Variants in TLN2 observed in about 807,000 individuals in gnomAD.
TLN2 encodes the protein talin-2.
In TLN2, 118 loss-of-function variants were observed where a neutral mutation model predicts 294.7. The observed-to-expected ratio is 0.40, with a 90% CI of 0.34 to 0.47. The LOEUF (loss-of-function observed/expected upper bound fraction) is 0.47, where lower values mean the gene tolerates loss of function less well. TLN2 is among the 20% of genes least tolerant of loss of function. The pLI, the probability that TLN2 is intolerant of heterozygous loss-of-function variation, is 0.84. For synonymous variants in TLN2, 1,431 were observed against 1,304.5 expected (o/e 1.10, Z -2.09); for missense variants, 3,083 against 3,282.2 (o/e 0.94, Z 1.48).
chr15:62,785,255 C>T (rs1236715151), intron 45 of TLN2, among the ~76,000 whole-genome samples: 1 of 152,062 alleles, frequency 6.6e-6, no homozygotes. Flanking sequence ...TTTAAATAGA[C>T]TCCCTGTTTT....
rs1339092923 is a variant in TLN2 at position 62,835,641 on chromosome 15, G to T, written c.7129-96G>T. On this transcript the variant is annotated intron_variant, in intron 55 of 58. Coordinates refer to ENST00000636159, the MANE Select transcript of TLN2 (RefSeq NM_015059.3). ...CTGTTGGCAGGAGGCACCAAGCGGG[G>T]TACAAGTCTGGTTCCCGAGCAAGGT... 3.6e-6 allele frequency: 5 copies of T among 1,393,628 alleles called. No homozygotes were observed. In the African/African-American group the frequency reaches 7.1e-5, roughly 20 times the overall value. The allele number at this position is 1,393,628 out of a possible 1,614,324, so 86.3% of individuals were successfully genotyped here.
At chr15:62,556,561 G>A (rs895023566) in intron 1 of TLN2, among the ~76,000 whole-genome samples, 10 of 151,884 alleles carry the variant, frequency 6.6e-5, no homozygotes, top group African/African-American at 1.9e-4. Context: ...AGCCTCCTAC[G>A]GTGCTGGAAT....
chr15:62,621,125 C>T (rs929347542), intron 3 of TLN2, among the ~76,000 whole-genome samples: 1 of 152,152 alleles, frequency 6.6e-6, no homozygotes, highest in Admixed American at 6.5e-5. Context: ...AGGTGTGAGC[C>T]ACTGTGCCCG....
Position 62,686,815 on chromosome 15 carries a change from C to T in TLN2, c.1113+19C>T. 6.2e-7 allele frequency: 1 copy of T among 1,612,020 alleles called. No individual in the cohort carries two copies. The highest frequency in any genetic ancestry group is 8.5e-7 in the Non-Finnish European group (1 of 1,179,642). On this transcript the variant is annotated intron_variant, in intron 12 of 58. Transcript: ENST00000636159. ...CACACTGGTAGGGACTGGCAGAGGG[C>T]AAGGAGAGCACTAGCGTGGCCTTGA...
At chr15:62,803,368 A>G (rs1409454093) in intron 50 of TLN2, among the ~76,000 whole-genome samples, 2 of 152,178 alleles carry the variant, frequency 1.3e-5, no homozygotes, top group Non-Finnish European at 2.9e-5. Context: ...AGCTTTCTCT[A>G]GGTTTGGGAA....
At chr15:62,739,615 A>T (rs2061209621) in intron 31 of TLN2, 70 bp downstream of exon 31, 1 of 1,545,880 alleles carries the variant, frequency 6.5e-7, no homozygotes, top group African/African-American at 1.4e-5. Context: ...CATCCTTGAG[A>T]CTGACTGAAC....
In TLN2 at chr15:62,727,083, G is replaced by C. The variant is rs376468747; in HGVS notation, c.3256-4G>C. ...GTTCTTTCCCTCCTTGAATATTCTT[G>C]TAGCTGGAAAAATGTGCTCAGGACC... On this transcript the variant is annotated splice_polypyrimidine_tract_variant and splice_region_variant and intron_variant, in intron 27 of 58. Transcript: ENST00000636159. 9.1e-5 allele frequency: 147 copies of C among 1,613,806 alleles called. No individual in the cohort carries two copies. Among genetic ancestry groups the C allele is most frequent in the Non-Finnish European group, 1.2e-4 (140 of 1,179,946 alleles).
intron 3 of TLN2, among the ~76,000 whole-genome samples, chr15:62,629,631 T>C (rs2049601088): frequency 6.6e-6 from 1 of 152,210 alleles, no homozygotes; most frequent in African/African-American, 2.4e-5. Context: ...CCATGAGCCC[T>C]TGGAGGATAG....
At chr15:62,528,643 G>A (rs2140490250) in intron 1 of TLN2, among the ~76,000 whole-genome samples, 1 of 147,374 alleles carries the variant, frequency 6.8e-6, no homozygotes. Flanking sequence ...CTTATTGACA[G>A]CCCTTCTTGA....
chr15:62,445,308 A>G (rs1208222801), intron 1 of TLN2, among the ~76,000 whole-genome samples: 1 of 152,152 alleles, frequency 6.6e-6, no homozygotes, highest in Admixed American at 6.5e-5. Flanking sequence ...ATTAGCAAAT[A>G]ACAACTCCCT....
chr15:62,840,800 C>A lies in TLN2; in HGVS notation c.*190C>A. On this transcript the variant is annotated 3_prime_UTR_variant, in exon 59 of 59. Transcript: ENST00000636159. Reference sequence around the variant, plus strand: ...TGCATGATCGTGATGTCACACGGTACAATGTCCTACCCACAACTCCTCTGC... The same window carrying A: ...TGCATGATCGTGATGTCACACGGTAAAATGTCCTACCCACAACTCCTCTGC... 1.3e-6 allele frequency: 1 copy of A among 740,960 alleles called. No homozygotes were observed. The highest frequency in any genetic ancestry group is 2.1e-6 in the Non-Finnish European group (1 of 476,512). 45.9% of individuals were successfully genotyped at this position (740,960 alleles called of 1,614,324 possible).
Position 62,723,789 on chromosome 15 carries a change from A to G in TLN2, c.3127-1187A>G, listed in dbSNP as rs186873157. Among the ~76,000 whole-genome samples, 1,395 of 151,722 alleles carry G rather than the reference A, an allele frequency of 9.2e-3. 8 individuals carry two copies. The highest frequency in any genetic ancestry group is 0.014 in the Middle Eastern group (4 of 294). Reference sequence around the variant, plus strand: ...GGTCTTGAACTCCTGAGCTCAAGTAATCCTCCCACTTGAGCCTCCCAAAGT... The same window carrying G: ...GGTCTTGAACTCCTGAGCTCAAGTAGTCCTCCCACTTGAGCCTCCCAAAGT... On this transcript the variant is annotated intron_variant, in intron 26 of 58. Coordinates refer to ENST00000636159, the MANE Select transcript of TLN2 (RefSeq NM_015059.3).
intron 4 of TLN2, among the ~76,000 whole-genome samples, chr15:62,648,066 A>C (rs1388885581): frequency 6.6e-6 from 1 of 152,130 alleles, no homozygotes; most frequent in Non-Finnish European, 1.5e-5. Flanking sequence ...CAGTTGAGAA[A>C]TTGGATCCCT....
intron 28 of TLN2, among the ~76,000 whole-genome samples, chr15:62,731,427 G>A (rs1254641191): frequency 2.0e-5 from 3 of 151,898 alleles, no homozygotes; most frequent in Admixed American, 6.6e-5. Flanking sequence ...TCCCTACATA[G>A]GATTACTCTT....
intron 1 of TLN2, among the ~76,000 whole-genome samples, chr15:62,454,850 C>T (rs2036370342): frequency 6.6e-6 from 1 of 152,148 alleles, no homozygotes; most frequent in Admixed American, 6.5e-5. Context: ...GCTTCCAGAG[C>T]ATTGTTCCCA....
intron 45 of TLN2, chr15:62,784,461 T>C (rs1052971610): frequency 6.5e-6 from 1 of 152,980 alleles, no homozygotes; most frequent in Admixed American, 6.5e-5. Flanking sequence ...TAGTGGCCAG[T>C]GTAGACTTGG....
chr15:62,690,839 C>T (rs1440826722), intron 12 of TLN2, among the ~76,000 whole-genome samples: 1 of 151,646 alleles, frequency 6.6e-6, no homozygotes, highest in Admixed American at 6.6e-5. Flanking sequence ...AGCGAAACCC[C>T]GTCTCCACCA....
intron 18 of TLN2, 83 bp downstream of exon 18, chr15:62,702,283 A>T (rs2058764810): frequency 7.0e-7 from 1 of 1,436,102 alleles, no homozygotes; most frequent in Non-Finnish European, 9.4e-7. Context: ...TTGCTTCCCG[A>T]GCTGTTCCTT....
intron 2 of TLN2, among the ~76,000 whole-genome samples, chr15:62,600,929 A>G (rs2046946912): frequency 2.0e-5 from 3 of 152,238 alleles, no homozygotes; most frequent in Admixed American, 2.0e-4. Context: ...ATTATCTAAT[A>G]TCAAGCTAAT....
Sources: allele counts gnomAD v4.1 joint callset (sites outside exome capture counted in the v4.1 genomes callset), GRCh38; gene constraint gnomAD v4.1.1; transcripts MANE v1.5; gene names NCBI Gene and HGNC (gene_info 2026-07-23, HGNC 2026-07-21).